The following NYAP2 variants were observed in gnomAD, a reference collection of about 807,000 sequenced individuals.
NYAP2 encodes neuronal tyrosine-phosphorylated phosphoinositide-3-kinase adapter 2.
A neutral mutation model predicts 50.4 loss-of-function variants in NYAP2; 23 were observed. The observed-to-expected ratio is 0.46, with a 90% CI of 0.33 to 0.65. NYAP2 has a LOEUF of 0.65. Ranked by LOEUF, NYAP2 falls within the 30% of genes least tolerant of loss-of-function variation. The pLI is 0.02. For missense variants in NYAP2, 885 were observed against 861.0 expected (o/e 1.03, Z -0.35); for synonymous variants, 394 against 365.2 (o/e 1.08, Z -0.90).
chr2:225,625,046 A>T (rs997108759), intron 5 of NYAP2, among the ~76,000 whole-genome samples: 25 of 146,862 alleles, frequency 1.7e-4, no homozygotes, highest in African/African-American at 5.3e-4. Context: ...CCAAGCGTAA[A>T]AAAAAAAAAA....
Position 225,582,987 on chromosome 2 carries a change from C to T in NYAP2, c.1570C>T (p.Leu524=). 6.2e-7 allele frequency: 1 copy of T among 1,612,352 alleles called. No individual in the cohort carries two copies. The highest frequency in any genetic ancestry group is 8.5e-7 in the Non-Finnish European group (1 of 1,179,662). ...CAGCCTCTTCTCCTCCGGCCGCAGC[C>T]TGCTGCGCAAGTCGTCCAGTGGCCG... The change falls in exon 5 of 7, where the codon CTG becomes TTG. Residue 524 remains leucine (L), a synonymous_variant. Coordinates refer to ENST00000636099, the Ensembl canonical transcript of NYAP2. This position sits in a 1 kb window ranked among gnomAD's most constrained non-coding sequence, Gnocchi z 7.0.
intron 4 of NYAP2, among the ~76,000 whole-genome samples, chr2:225,560,269 G>T (rs1445401247): frequency 2.0e-5 from 3 of 151,960 alleles, no homozygotes; most frequent in Non-Finnish European, 2.9e-5. Flanking sequence ...TTATTGCAGA[G>T]TACTTTATTG....
intron 4 of NYAP2, among the ~76,000 whole-genome samples, chr2:225,515,151 C>CA (rs1159391390): frequency 1.3e-5 from 2 of 152,228 alleles, no homozygotes; most frequent in South Asian, 2.1e-4. Context: ...ATAAATTCTA[C>CA]AAAAAAACTC....
At chr2:225,476,774 A>G (rs912881488) in intron 3 of NYAP2, among the ~76,000 whole-genome samples, 1 of 152,220 alleles carries the variant, frequency 6.6e-6, no homozygotes, top group Non-Finnish European at 1.5e-5. Context: ...AATATGCCAT[A>G]CAGATACAAT....
chr2:225,606,575 T>C (rs1477360335), intron 5 of NYAP2, among the ~76,000 whole-genome samples: 1 of 152,142 alleles, frequency 6.6e-6, no homozygotes, highest in African/African-American at 2.4e-5. Context: ...TCTCTTTCTA[T>C]CCTATTGTTC....
intron 4 of NYAP2, among the ~76,000 whole-genome samples, chr2:225,537,780 C>T (rs1691377300): frequency 6.6e-6 from 1 of 152,180 alleles, no homozygotes; most frequent in Non-Finnish European, 1.5e-5. Flanking sequence ...CTCAAAAGTC[C>T]ACAGTCCAAA....
chr2:225,512,999 G>A (rs1226828665), intron 3 of NYAP2, among the ~76,000 whole-genome samples: 1 of 151,900 alleles, frequency 6.6e-6, no homozygotes, highest in Non-Finnish European at 1.5e-5. Flanking sequence ...AAGCAGGAAT[G>A]GTTTTGATGA....
the NYAP2 span, among the ~76,000 whole-genome samples, chr2:225,678,308 T>C: frequency 6.6e-6 from 1 of 152,138 alleles, no homozygotes; most frequent in South Asian, 2.1e-4. Context: ...TCTCTTTTTA[T>C]CCCCTTTGTT....
chr2:225,444,818 G>A (rs1270374576), intron 3 of NYAP2, among the ~76,000 whole-genome samples: 3 of 152,158 alleles, frequency 2.0e-5, no homozygotes, highest in African/African-American at 7.2e-5. Flanking sequence ...CTCTGGAAAT[G>A]TTAATAATGT....
chr2:225,464,702 C>T (rs1019309822), intron 3 of NYAP2, among the ~76,000 whole-genome samples: 1 of 152,168 alleles, frequency 6.6e-6, no homozygotes, highest in Non-Finnish European at 1.5e-5. Context: ...AAGCAATCCA[C>T]GTTAGTTTTC....
At chr2:225,685,148 A>T in the NYAP2 span, among the ~76,000 whole-genome samples, 3 of 152,214 alleles carry the variant, frequency 2.0e-5, no homozygotes, top group African/African-American at 4.8e-5. Context: ...TTAAACAATT[A>T]TAATTTAAGT....
chr2:225,616,343 A>G (rs974153328), intron 5 of NYAP2, among the ~76,000 whole-genome samples: 4 of 152,206 alleles, frequency 2.6e-5, no homozygotes, highest in African/African-American at 9.6e-5. Context: ...CCGCTCCTCC[A>G]TACTCTTTCA....
intron 5 of NYAP2, among the ~76,000 whole-genome samples, chr2:225,598,684 C>T (rs1692647531): frequency 6.6e-6 from 1 of 152,188 alleles, no homozygotes; most frequent in African/African-American, 2.4e-5. Context: ...ATAGAGAAGG[C>T]AATGCATGAT....
At chr2:225,472,039 A>C (rs1467390659) in intron 3 of NYAP2, among the ~76,000 whole-genome samples, 1 of 152,082 alleles carries the variant, frequency 6.6e-6, no homozygotes, top group Non-Finnish European at 1.5e-5. Context: ...TTCGAGGGAG[A>C]TATGAATATT....
At chr2:225,526,497 G>A (rs1691154685) in intron 4 of NYAP2, among the ~76,000 whole-genome samples, 1 of 152,146 alleles carries the variant, frequency 6.6e-6, no homozygotes, top group Admixed American at 6.6e-5. Flanking sequence ...GACATATGTA[G>A]CCCTTTGAAT....
At chr2:225,512,823 C>CTTTCTTCCTT (rs1401236775) in intron 3 of NYAP2, among the ~76,000 whole-genome samples, 1 of 47,600 alleles carries the variant, frequency 2.1e-5, no homozygotes, top group African/African-American at 1.1e-4. Context: ...CTTTCTTTCT[C>CTTTCTTCCTT]TCTCTCTCTC....
chr2:225,574,303 G>A (rs944174595), intron 4 of NYAP2, among the ~76,000 whole-genome samples: 1 of 152,146 alleles, frequency 6.6e-6, no homozygotes, highest in African/African-American at 2.4e-5. Flanking sequence ...GGGGGCTAGA[G>A]GAAGGGGAGG....
chr2:225,455,588 C>T lies in NYAP2; in HGVS notation c.221+46487C>T, dbSNP rs1346008064. On this transcript the variant is annotated intron_variant, in intron 3 of 6. Coordinates refer to ENST00000636099, the Ensembl canonical transcript of NYAP2. Reference sequence around the variant, plus strand: ...ATAAAAATGTCCCTGATTTTAGACACAAATGAGACTAGTGTATGTAAAGTG... The same window carrying T: ...ATAAAAATGTCCCTGATTTTAGACATAAATGAGACTAGTGTATGTAAAGTG... Among the ~76,000 whole-genome samples the T allele has an allele frequency of 2.0e-5, 3 of 152,230 alleles. No homozygotes were observed. The East Asian group carries it at 5.8e-4, about 29-fold the overall frequency.
At chr2:225,480,692 T>C (rs1690191237) in intron 3 of NYAP2, among the ~76,000 whole-genome samples, 2 of 152,100 alleles carry the variant, frequency 1.3e-5, no homozygotes, top group African/African-American at 2.4e-5. Flanking sequence ...ATAGATTCCA[T>C]TGAAGATATT....
Sources: gnomAD v4.1 joint callset for allele counts (sites outside exome capture counted in the v4.1 genomes callset) on GRCh38, gnomAD v4.1.1 for gene constraint, Gnocchi (gnomAD v3.1) non-coding constraint, MANE v1.5 for transcripts, NCBI Gene and HGNC (gene_info 2026-07-23, HGNC 2026-07-21) for gene names.